Variants in PRKAR2B observed in about 807,000 individuals in gnomAD.
PRKAR2B encodes protein kinase cAMP-dependent type II regulatory subunit beta.
PRKAR2B carries 14 observed loss-of-function variants against 49.9 expected under a neutral mutation model. The observed-to-expected ratio is 0.28, with a 90% CI of 0.19 to 0.44. The LOEUF (loss-of-function observed/expected upper bound fraction) is 0.44. PRKAR2B is among the 20% of genes least tolerant of loss of function. PRKAR2B has a pLI of 1.00. For missense variants in PRKAR2B, 393 were observed against 537.9 expected (o/e 0.73, Z 2.67); for synonymous variants, 196 against 197.7 (o/e 0.99, Z 0.07).
chr7:107,132,949 A>T (rs962485702), intron 4 of PRKAR2B, among the ~76,000 whole-genome samples: 1 of 152,134 alleles, frequency 6.6e-6, no homozygotes. Flanking sequence ...TCAGTAGGCC[A>T]TTTTCCTCCT....
intron 2 of PRKAR2B, among the ~76,000 whole-genome samples, chr7:107,120,414 G>C (rs1795366695): frequency 6.6e-6 from 1 of 152,024 alleles, no homozygotes; most frequent in South Asian, 2.1e-4. Context: ...GTGGTGCCTG[G>C]GGGAAAGAAA....
chr7:107,060,314 C>T (rs920753156), intron 1 of PRKAR2B, among the ~76,000 whole-genome samples: 1 of 152,056 alleles, frequency 6.6e-6, no homozygotes. Context: ...GTCATATCTG[C>T]TTTATAAAGG....
chr7:107,056,048 T>C (rs1013941286), intron 1 of PRKAR2B, among the ~76,000 whole-genome samples: 4 of 152,310 alleles, frequency 2.6e-5, no homozygotes, highest in South Asian at 2.1e-4. Context: ...AGCCAGTTTT[T>C]CCAGCACCAT....
intron 1 of PRKAR2B, among the ~76,000 whole-genome samples, chr7:107,046,100 C>T (rs542418937): frequency 6.6e-6 from 1 of 152,224 alleles, no homozygotes; most frequent in African/African-American, 2.4e-5. Context: ...AATAGCTGCT[C>T]CTGGCAAGTC....
chr7:107,113,151 A>T (rs1367587937), intron 2 of PRKAR2B, among the ~76,000 whole-genome samples: 2 of 152,198 alleles, frequency 1.3e-5, no homozygotes, highest in East Asian at 1.9e-4. Context: ...CAGTAAATAA[A>T]ACTACTCAGA....
intron 3 of PRKAR2B, 127 bp from the exon 4 acceptor site, chr7:107,128,072 CAGCACCAACCTGA>C: frequency 1.6e-6 from 1 of 617,362 alleles, no homozygotes; most frequent in Non-Finnish European, 2.9e-6. Flanking sequence ...AAGTGAATCT[CAGCACCAACCTGA>C]AGCAAACTTG....
Position 107,157,232 on chromosome 7 carries a change from G to A in PRKAR2B, c.1031G>A (p.Cys344Tyr), listed in dbSNP as rs1796109002. 1.9e-6 allele frequency: 3 copies of A among 1,614,192 alleles called. No homozygotes were observed. The highest frequency in any genetic ancestry group is 2.5e-6 in the Non-Finnish European group (3 of 1,180,038). The change falls in exon 10 of 11, where the codon TGC becomes TAC. Residue 344 changes from cysteine (C) to tyrosine (Y), a missense_variant. This residue lies in a region of PRKAR2B where 233 missense variants were observed against 390.4 expected (regional missense o/e 0.60). Transcript: ENST00000265717. ...EENGAVEIAR[C>Y]SRGQYFGELA... Reference sequence around the variant, plus strand: ...AATGGTGCAGTAGAAATCGCTCGATGCTCGCGGGGACAGTACTTTGGAGAG... The same window carrying A: ...AATGGTGCAGTAGAAATCGCTCGATACTCGCGGGGACAGTACTTTGGAGAG...
chr7:107,149,172 A>G (rs1417121886), intron 6 of PRKAR2B, among the ~76,000 whole-genome samples: 3 of 152,184 alleles, frequency 2.0e-5, no homozygotes, highest in Non-Finnish European at 2.9e-5. Flanking sequence ...TTAATACTAT[A>G]GCTTATTCTG....
rs17153816 is a variant in PRKAR2B, at chr7:107,086,889, G to A, written c.343+16573G>A. Among the ~76,000 whole-genome samples the A allele has an allele frequency of 1.6e-3, 245 of 152,194 alleles. 2 individuals carry two copies. Among genetic ancestry groups the A allele is most frequent in the African/African-American group, 5.7e-3 (235 of 41,522 alleles). ...CTGGAATGAACTCTGCTTGGTCATAGCATATTGATTATTAATTATATTCTT... is the reference window on the plus strand; with the variant it reads ...CTGGAATGAACTCTGCTTGGTCATAACATATTGATTATTAATTATATTCTT... On this transcript the variant is annotated intron_variant, in intron 2 of 10. Transcript: ENST00000265717.
At chr7:107,130,296 G>A (rs896440541) in intron 4 of PRKAR2B, among the ~76,000 whole-genome samples, 12 of 151,600 alleles carry the variant, frequency 7.9e-5, no homozygotes, top group African/African-American at 2.4e-4. Context: ...TTAGGAGATC[G>A]AGCCCATCCT....
intron 4 of PRKAR2B, among the ~76,000 whole-genome samples, chr7:107,136,616 A>G (rs1048972001): frequency 6.6e-6 from 1 of 152,226 alleles, no homozygotes; most frequent in Non-Finnish European, 1.5e-5. Context: ...AGATAGTACT[A>G]CACATCTATT....
chr7:107,070,138 T>C (rs1318557102), intron 1 of PRKAR2B, 143 bp from the exon 2 acceptor site: 3 of 504,986 alleles, frequency 5.9e-6, no homozygotes, highest in Non-Finnish European at 1.0e-5. Context: ...GCATTTAATT[T>C]TTGTATATTC....
chr7:107,098,800 T>G (rs1193314466), intron 2 of PRKAR2B, among the ~76,000 whole-genome samples: 1 of 152,210 alleles, frequency 6.6e-6, no homozygotes, highest in Non-Finnish European at 1.5e-5. Flanking sequence ...CCTGTTTTCC[T>G]GGGTATCACC....
intron 2 of PRKAR2B, among the ~76,000 whole-genome samples, chr7:107,120,688 T>TAATC (rs1226854384): frequency 6.6e-6 from 1 of 152,146 alleles, no homozygotes; most frequent in Non-Finnish European, 1.5e-5. Context: ...AAAGCAGTGA[T>TAATC]ACTTCTGTGA....
intron 2 of PRKAR2B, among the ~76,000 whole-genome samples, chr7:107,093,825 T>TA (rs1225109061): frequency 6.6e-6 from 1 of 152,176 alleles, no homozygotes; most frequent in East Asian, 1.9e-4. Flanking sequence ...TCCATGTCCC[T>TA]ACAAAGGGCA....
chr7:107,155,978 C>T, intron 8 of PRKAR2B, among the ~76,000 whole-genome samples: 1 of 152,094 alleles, frequency 6.6e-6, no homozygotes, highest in East Asian at 1.9e-4. Flanking sequence ...AGCTGGAAGC[C>T]ATCATTCTCA....
intron 2 of PRKAR2B, among the ~76,000 whole-genome samples, chr7:107,111,990 G>A (rs1382332691): frequency 1.5e-4 from 17 of 115,122 alleles, no homozygotes; most frequent in African/African-American, 4.8e-4. Context: ...AATATAGCAA[G>A]AGCCTCCTCT....
At chr7:107,149,090 G>C (rs1040182915) in intron 6 of PRKAR2B, among the ~76,000 whole-genome samples, 3 of 152,132 alleles carry the variant, frequency 2.0e-5, no homozygotes, top group African/African-American at 7.2e-5. Context: ...CACTTTGGGA[G>C]CATTTATGAA....
intron 3 of PRKAR2B, among the ~76,000 whole-genome samples, chr7:107,122,376 C>T (rs558840010): frequency 5.3e-5 from 8 of 152,248 alleles, no homozygotes; most frequent in African/African-American, 9.6e-5. Context: ...AAACAAATCA[C>T]GGTAAAATCA....
Sources: gnomAD v4.1 joint callset for allele counts (sites outside exome capture counted in the v4.1 genomes callset) on GRCh38, gnomAD v4.1.1 for gene constraint, gnomAD v4.1.1 regional missense constraint, MANE v1.5 for transcripts, NCBI Gene and HGNC (gene_info 2026-07-23, HGNC 2026-07-21) for gene names.